The following HOMER1 variants were observed in gnomAD, a reference collection of about 807,000 sequenced individuals.
The protein encoded by HOMER1 is homer protein homolog 1.
A neutral mutation model predicts 48.9 loss-of-function variants in HOMER1; 3 were observed. That is an observed-to-expected ratio of 0.06 (90% confidence interval 0.03 to 0.16). The LOEUF (loss-of-function observed/expected upper bound fraction) is 0.16. Among genes scored for constraint, HOMER1 ranks in the 10% least tolerant of loss-of-function variants. The pLI, the probability that HOMER1 is intolerant of heterozygous loss-of-function variation, is 1.00. For synonymous variants in HOMER1, 134 were observed against 146.4 expected (o/e 0.92, Z 0.61); for missense variants, 247 against 411.4 (o/e 0.60, Z 3.46).
intron 2 of HOMER1, among the ~76,000 whole-genome samples, chr5:79,451,632 C>G (rs1751031442): frequency 8.1e-6 from 1 of 123,712 alleles, no homozygotes; most frequent in Admixed American, 1.1e-4. Flanking sequence ...GTGGCGTGAT[C>G]TCGGCTAACT....
chr5:79,447,530 A>T (rs143910657), intron 3 of HOMER1, among the ~76,000 whole-genome samples: 447 of 152,340 alleles, frequency 2.9e-3, no homozygotes, highest in Non-Finnish European at 5.2e-3. Flanking sequence ...ACAAGTATCC[A>T]CTTGTAAACA....
At chr5:79,431,018 A>G (rs533053414) in intron 5 of HOMER1, among the ~76,000 whole-genome samples, 2 of 152,218 alleles carry the variant, frequency 1.3e-5, no homozygotes, top group South Asian at 4.1e-4. Context: ...GATACATTCT[A>G]TAACATGGAT....
At position 79,423,766 on chromosome 5, in the gene HOMER1, C is replaced by T. The variant is rs561785432; in HGVS notation, c.527+15244G>A. On this transcript the variant is annotated intron_variant, in intron 5 of 8. Coordinates refer to ENST00000334082, the MANE Select transcript of HOMER1 (RefSeq NM_004272.5). ...GGATAAGGAGATTCAGAAATCATTA[C>T]CCACCTGACCACCCCTTTTACTTAA... Among the ~76,000 whole-genome samples, 9 of 152,142 alleles carry T rather than the reference C, an allele frequency of 5.9e-5. No individual in the cohort carries two copies. In the East Asian group the frequency reaches 1.7e-3, roughly 29 times the overall value.
chr5:79,411,613 A>G (rs1293945032), intron 5 of HOMER1, among the ~76,000 whole-genome samples: 1 of 152,248 alleles, frequency 6.6e-6, no homozygotes, highest in African/African-American at 2.4e-5. Context: ...AGCTTAATGT[A>G]TGAGCAATAT....
At chr5:79,377,460 C>A (rs371336782) in intron 8 of HOMER1, among the ~76,000 whole-genome samples, 3 of 152,102 alleles carry the variant, frequency 2.0e-5, no homozygotes, top group African/African-American at 7.2e-5. Flanking sequence ...GTTATATATC[C>A]GTTCTGGAAA....
At chr5:79,450,866 A>T in intron 3 of HOMER1, 124 bp downstream of exon 3, 2 of 880,228 alleles carry the variant, frequency 2.3e-6, no homozygotes, top group Non-Finnish European at 3.3e-6. Context: ...TGAAGTCACT[A>T]CTGCTGTTTC....
At chr5:79,503,072 C>A (rs147931297) in intron 1 of HOMER1, among the ~76,000 whole-genome samples, 2 of 152,072 alleles carry the variant, frequency 1.3e-5, no homozygotes, top group South Asian at 2.1e-4. Flanking sequence ...CAGGCGTGAG[C>A]CACTGCGCCC....
At chr5:79,400,735 ACTTCT>A (rs1238472384) in intron 6 of HOMER1, among the ~76,000 whole-genome samples, 16 of 142,942 alleles carry the variant, frequency 1.1e-4, no homozygotes, top group East Asian at 1.0e-3. Context: ...AAAAAAAAAA[ACTTCT>A]TCTTTTTTTT....
intron 1 of HOMER1, among the ~76,000 whole-genome samples, chr5:79,489,544 A>G (rs1419991369): frequency 1.3e-5 from 2 of 152,124 alleles, no homozygotes; most frequent in Middle Eastern, 3.2e-3. Flanking sequence ...GCGACAGAGC[A>G]AGACTCCATC....
chr5:79,393,832 T>G (rs572758531), intron 8 of HOMER1, among the ~76,000 whole-genome samples: 3 of 152,326 alleles, frequency 2.0e-5, no homozygotes, highest in Admixed American at 1.3e-4. Context: ...GAGAATTCTA[T>G]GCAGCCATTG....
chr5:79,422,735 AT>A (rs1437713891), intron 5 of HOMER1, among the ~76,000 whole-genome samples: 1 of 151,928 alleles, frequency 6.6e-6, no homozygotes, highest in Non-Finnish European at 1.5e-5. Flanking sequence ...ATACCATCTA[AT>A]TTTTGGAAGT....
chr5:79,419,105 A>G (rs894261642), intron 5 of HOMER1, among the ~76,000 whole-genome samples: 1 of 152,222 alleles, frequency 6.6e-6, no homozygotes, highest in Admixed American at 6.5e-5. Context: ...TAAAATAGAA[A>G]GGATGTCTAT....
intron 1 of HOMER1, among the ~76,000 whole-genome samples, chr5:79,459,064 G>A (rs1209973220): frequency 6.6e-6 from 1 of 152,152 alleles, no homozygotes; most frequent in Admixed American, 6.5e-5. Context: ...ACATAAGGAA[G>A]GGAGGTAAGA....
At chr5:79,497,424 T>G (rs1580034972) in intron 1 of HOMER1, among the ~76,000 whole-genome samples, 2 of 151,636 alleles carry the variant, frequency 1.3e-5, no homozygotes, top group Non-Finnish European at 1.5e-5. Context: ...CTGAGGCGGG[T>G]GGATCACCTG....
At chr5:79,380,549 C>CAGTGAAGGTGGCATTGTCCTCAG (rs1234142429) in intron 8 of HOMER1, among the ~76,000 whole-genome samples, 1 of 152,212 alleles carries the variant, frequency 6.6e-6, no homozygotes, top group Non-Finnish European at 1.5e-5. Flanking sequence ...AGGCTGCCAC[C>CAGTGAAGGTGGCATTGTCCTCAG]AGTGAAGGTG....
intron 5 of HOMER1, among the ~76,000 whole-genome samples, chr5:79,411,921 C>T (rs1304290741): frequency 1.3e-5 from 2 of 152,134 alleles, no homozygotes; most frequent in Admixed American, 1.3e-4. Flanking sequence ...GAGTTCAAGA[C>T]CAGCCTGGCC....
intron 1 of HOMER1, among the ~76,000 whole-genome samples, chr5:79,462,196 T>C (rs980351212): frequency 4.6e-5 from 7 of 152,152 alleles, no homozygotes; most frequent in Admixed American, 6.5e-5. Context: ...CGAGACTCCA[T>C]CTCAAAAACA....
chr5:79,512,509 ATGCGT>A (rs1752970930), intron 1 of HOMER1, among the ~76,000 whole-genome samples: 1 of 152,146 alleles, frequency 6.6e-6, no homozygotes, highest in East Asian at 1.9e-4. Context: ...AAAGTGTAGA[ATGCGT>A]TGTCTTTGTA....
chr5:79,477,443 C>T (rs1051873278), intron 1 of HOMER1, among the ~76,000 whole-genome samples: 1 of 152,186 alleles, frequency 6.6e-6, no homozygotes, highest in Non-Finnish European at 1.5e-5. Context: ...TTTTGTCATT[C>T]ACAAGTTCTA....
Sources: gnomAD v4.1 joint callset for allele counts (sites outside exome capture counted in the v4.1 genomes callset) on GRCh38, gnomAD v4.1.1 for gene constraint, MANE v1.5 for transcripts, NCBI Gene and HGNC (gene_info 2026-07-23, HGNC 2026-07-21) for gene names.